Variants in SPHKAP observed in about 807,000 individuals in gnomAD.
The protein encoded by SPHKAP is SPHK1 interactor, AKAP domain containing.
Under a neutral mutation model 137.5 loss-of-function variants are expected in SPHKAP, and 67 were observed. The observed-to-expected ratio is 0.49, with a 90% CI of 0.40 to 0.60. The LOEUF is 0.60. Among genes scored for constraint, SPHKAP ranks in the 20% least tolerant of loss-of-function variants. SPHKAP has a pLI of 0.00. For synonymous variants in SPHKAP, 813 were observed against 785.3 expected, an observed-to-expected ratio of 1.04 and a Z score of -0.59; for missense variants, 2,097 against 2,069.3, an observed-to-expected ratio of 1.01 and a Z score of -0.26.
At chr2:228,000,693 G>T (rs141909199) in intron 7 of SPHKAP, among the ~76,000 whole-genome samples, 296 of 151,960 alleles carry the variant, frequency 1.9e-3, no homozygotes, top group South Asian at 8.1e-3. Flanking sequence ...TGCACTTAAG[G>T]TTCCTCTGTA....
chr2:228,064,770 G>T (rs1291514503), intron 3 of SPHKAP, among the ~76,000 whole-genome samples: 1 of 152,232 alleles, frequency 6.6e-6, no homozygotes, highest in Non-Finnish European at 1.5e-5. Flanking sequence ...AGTAGCCACA[G>T]AAGTTGCCAA....
At chr2:228,110,431 C>A (rs952944286) in intron 2 of SPHKAP, among the ~76,000 whole-genome samples, 9 of 151,970 alleles carry the variant, frequency 5.9e-5, no homozygotes, top group African/African-American at 2.2e-4. Flanking sequence ...TACAAAGAGA[C>A]CCTTTGTGGA....
At chr2:228,111,694 G>C (rs1296162661) in intron 2 of SPHKAP, among the ~76,000 whole-genome samples, 1 of 151,894 alleles carries the variant, frequency 6.6e-6, no homozygotes, top group Non-Finnish European at 1.5e-5. Flanking sequence ...CCTATGGTAG[G>C]AATTATTATA....
intron 3 of SPHKAP, among the ~76,000 whole-genome samples, chr2:228,056,614 C>T (rs2106280815): frequency 6.6e-6 from 1 of 151,930 alleles, no homozygotes; most frequent in African/African-American, 2.4e-5. Flanking sequence ...CTTTGTTCTC[C>T]AGGAAGTATG....
chr2:228,076,622 G>A (rs1006077251), intron 3 of SPHKAP, among the ~76,000 whole-genome samples: 1 of 152,136 alleles, frequency 6.6e-6, no homozygotes, highest in Non-Finnish European at 1.5e-5. Flanking sequence ...AGATGATTTA[G>A]GGTATCTGGT....
intron 11 of SPHKAP, among the ~76,000 whole-genome samples, chr2:227,986,112 A>G (rs1303769445): frequency 6.6e-6 from 1 of 152,178 alleles, no homozygotes; most frequent in Non-Finnish European, 1.5e-5. Context: ...AAATCTGACT[A>G]AAGGACTCAG....
At chr2:228,155,252 C>T (rs1396603574) in intron 1 of SPHKAP, among the ~76,000 whole-genome samples, 4 of 150,974 alleles carry the variant, frequency 2.6e-5, no homozygotes, top group South Asian at 2.1e-4. Context: ...GACAAAAGTT[C>T]GTGGAGTAAG....
At position 228,019,430 on chromosome 2, in the gene SPHKAP, A is replaced by T. The variant is rs761781541; in HGVS notation, c.1424T>A (p.Val475Asp). Residue 475 changes from valine (V) to aspartate (D), a missense_variant, in exon 7 of 12, where the codon GTC becomes GAC. Coordinates refer to ENST00000392056, the MANE Select transcript of SPHKAP (RefSeq NM_001142644.2). The part of the protein sequence containing the change: ...PGISSWPEME[V>D]SVETSSILSG... ...GAGGATGCTTGAGGTTTCAACAGAGACTTCCATCTCAGGCCAGGAGGAGAT... is the reference window on the plus strand; with the variant it reads ...GAGGATGCTTGAGGTTTCAACAGAGTCTTCCATCTCAGGCCAGGAGGAGAT... 1 of 1,614,092 alleles carries T rather than the reference A, an allele frequency of 6.2e-7. No homozygotes were observed. Among genetic ancestry groups the T allele is most frequent in the Admixed American group, 1.7e-5 (1 of 60,022 alleles).
intron 1 of SPHKAP, among the ~76,000 whole-genome samples, chr2:228,169,042 T>C (rs1315930026): frequency 6.6e-6 from 1 of 151,940 alleles, no homozygotes; most frequent in Non-Finnish European, 1.5e-5. Flanking sequence ...TCTTCAATTC[T>C]ATGAAGTTTG....
intron 2 of SPHKAP, among the ~76,000 whole-genome samples, chr2:228,113,188 A>AT (rs11409307): frequency 0.34 from 52,237 of 151,926 alleles, 9,254 homozygotes; most frequent in East Asian, 0.49. Context: ...AATAAGATAT[A>AT]TTTTTCCATA....
intron 3 of SPHKAP, among the ~76,000 whole-genome samples, chr2:228,102,411 T>A (rs181427633): frequency 6.6e-6 from 1 of 152,220 alleles, no homozygotes; most frequent in African/African-American, 2.4e-5. Context: ...TATTAATTAT[T>A]GGGAGTCTCA....
chr2:228,009,210 C>A (rs1385314558), intron 7 of SPHKAP, among the ~76,000 whole-genome samples: 1 of 152,106 alleles, frequency 6.6e-6, no homozygotes, highest in East Asian at 1.9e-4. Flanking sequence ...TTTTATCTTA[C>A]ATTGTTTCTG....
chr2:228,002,871 T>C (rs1359826393), intron 7 of SPHKAP, among the ~76,000 whole-genome samples: 1 of 152,188 alleles, frequency 6.6e-6, no homozygotes, highest in African/African-American at 2.4e-5. Context: ...AAAGATCAGA[T>C]GGTTGTAGAT....
chr2:228,106,955 C>T (rs570719869), intron 3 of SPHKAP, among the ~76,000 whole-genome samples: 3 of 152,126 alleles, frequency 2.0e-5, no homozygotes, highest in Admixed American at 6.6e-5. Flanking sequence ...TTTAAATTGA[C>T]AAATAAAATT....
intron 7 of SPHKAP, among the ~76,000 whole-genome samples, chr2:228,008,643 T>C (rs1288588170): frequency 6.6e-6 from 1 of 151,430 alleles, no homozygotes; most frequent in East Asian, 2.0e-4. Context: ...CTGTGATCCA[T>C]TCGTGTTATT....
At chr2:228,065,774 T>C (rs1466709164) in intron 3 of SPHKAP, among the ~76,000 whole-genome samples, 9 of 152,136 alleles carry the variant, frequency 5.9e-5, no homozygotes, top group Non-Finnish European at 1.0e-4. Flanking sequence ...AGAGAGACAG[T>C]GCATTGATTT....
At chr2:228,086,691 A>G (rs1418919953) in intron 3 of SPHKAP, among the ~76,000 whole-genome samples, 1 of 152,192 alleles carries the variant, frequency 6.6e-6, no homozygotes, top group East Asian at 1.9e-4. Context: ...TGACCAGAGT[A>G]GTGGTTCAGA....
intron 3 of SPHKAP, among the ~76,000 whole-genome samples, chr2:228,091,095 TG>T (rs1697713887): frequency 6.6e-6 from 1 of 152,196 alleles, no homozygotes. Flanking sequence ...TATGCTATTA[TG>T]TGGTGTGAAT....
intron 11 of SPHKAP, among the ~76,000 whole-genome samples, chr2:227,983,085 A>AT (rs764452582): frequency 6.6e-6 from 1 of 151,772 alleles, no homozygotes; most frequent in African/African-American, 2.4e-5. Flanking sequence ...TATTTCTTCA[A>AT]TTTTTTTTCT....
Sources: gnomAD v4.1 joint callset for allele counts (sites outside exome capture counted in the v4.1 genomes callset) on GRCh38, gnomAD v4.1.1 for gene constraint, MANE v1.5 for transcripts, NCBI Gene and HGNC (gene_info 2026-07-23, HGNC 2026-07-21) for gene names.